Variants in WDPCP observed in about 807,000 individuals in gnomAD.
WDPCP encodes WD repeat containing planar cell polarity effector.
In WDPCP, 71 loss-of-function variants were observed where a neutral mutation model predicts 93.1. That is an observed-to-expected ratio of 0.76 (90% CI 0.63 to 0.93). WDPCP has a LOEUF of 0.93. Among genes scored for constraint, WDPCP ranks in the 40% least tolerant of loss-of-function variants. WDPCP has a pLI of 0.00. For missense variants in WDPCP, 844 were observed against 887.4 expected (o/e 0.95, Z 0.62); for synonymous variants, 315 against 315.0 (o/e 1.00, Z 0.00).
At chr2:63,191,861 G>C (rs1167508155) in intron 14 of WDPCP, among the ~76,000 whole-genome samples, 3 of 152,138 alleles carry the variant, frequency 2.0e-5, no homozygotes, top group African/African-American at 7.2e-5. Flanking sequence ...TCAAATTTCA[G>C]TGTCCAAATA....
intron 14 of WDPCP, among the ~76,000 whole-genome samples, chr2:63,212,197 A>C (rs1187115859): frequency 6.6e-6 from 1 of 152,216 alleles, no homozygotes; most frequent in Non-Finnish European, 1.5e-5. Flanking sequence ...GAAGGAAAAA[A>C]TGTTAAGGGC....
At chr2:63,717,410 C>G in intron 2 of WDPCP, 1 of 401,514 alleles carries the variant, frequency 2.5e-6, no homozygotes. Context: ...TTTTTAAGGT[C>G]ATGGTATCCC....
At chr2:63,337,178 C>T (rs1194983953) in intron 12 of WDPCP, among the ~76,000 whole-genome samples, 5 of 152,286 alleles carry the variant, frequency 3.3e-5, no homozygotes, top group South Asian at 4.1e-4. Flanking sequence ...AGGCGTGAGC[C>T]ACTGCGCACG....
intron 17 of WDPCP, among the ~76,000 whole-genome samples, chr2:63,145,752 T>C (rs1280362093): frequency 1.3e-5 from 2 of 152,132 alleles, no homozygotes; most frequent in Non-Finnish European, 2.9e-5. Context: ...AGAATCTCAG[T>C]GGTAGTTTAA....
intron 1 of WDPCP, among the ~76,000 whole-genome samples, chr2:63,511,023 C>A (rs1702199607): frequency 6.6e-6 from 1 of 152,074 alleles, no homozygotes. Context: ...CCCAAAATCT[C>A]CTTAAGCTGA....
At chr2:63,262,085 T>C (rs137871489) in intron 13 of WDPCP, among the ~76,000 whole-genome samples, 2 of 152,290 alleles carry the variant, frequency 1.3e-5, no homozygotes, top group African/African-American at 4.8e-5. Flanking sequence ...TTTGCTAATA[T>C]TTAAGATTTT....
chr2:63,170,493 G>A (rs1462545506), intron 15 of WDPCP, among the ~76,000 whole-genome samples: 2 of 151,852 alleles, frequency 1.3e-5, no homozygotes, highest in Non-Finnish European at 2.9e-5. Flanking sequence ...GGCTGGTCTT[G>A]AACTCCTGAC....
At position 63,309,255 on chromosome 2, in the gene WDPCP, A is replaced by T. The variant is rs552934473; in HGVS notation, c.1812+3993T>A. On this transcript the variant is annotated intron_variant, in intron 13 of 17. Transcript: ENST00000272321. ...TCCATGTACTTCTGAATGTAAAACT[A>T]AAAAAAGTTAAAAGATGGCATATAC... Among the ~76,000 whole-genome samples the T allele has an allele frequency of 7.9e-5, 12 of 152,332 alleles. 1 individual carries two copies. In the South Asian group the frequency reaches 1.4e-3, roughly 18 times the overall value.
chr2:63,796,461 C>A lies in WDPCP; in HGVS notation n.308+17161G>T, dbSNP rs571770615. ...CTTCATATCATTGAAAGGGGCACTGCAGAGTGTAAGACAGTCTTGAATTGC... is the reference window on the plus strand; with the variant it reads ...CTTCATATCATTGAAAGGGGCACTGAAGAGTGTAAGACAGTCTTGAATTGC... On this transcript the variant is annotated intron_variant and non_coding_transcript_variant, in intron 2 of 4. Coordinates refer to the WDPCP transcript ENST00000467687. Among the ~76,000 whole-genome samples, 97 of 152,362 alleles carry A rather than the reference C, an allele frequency of 6.4e-4. 1 individual carries two copies. The highest frequency in any genetic ancestry group is 2.3e-3 in the African/African-American group (94 of 41,586).
chr2:63,796,708 G>A (rs781319963), intron 2 of WDPCP, among the ~76,000 whole-genome samples: 3 of 152,220 alleles, frequency 2.0e-5, no homozygotes, highest in Non-Finnish European at 2.9e-5. Flanking sequence ...AATTAACCGA[G>A]TTCTTACTAC....
At chr2:63,159,030 C>T (rs1318386457) in intron 15 of WDPCP, among the ~76,000 whole-genome samples, 4 of 150,734 alleles carry the variant, frequency 2.7e-5, no homozygotes, top group Non-Finnish European at 5.9e-5. Context: ...GCGGCATGCC[C>T]CTGTAGTCCC....
chr2:63,820,165 C>T (rs1357514719), intron 1 of WDPCP, among the ~76,000 whole-genome samples: 1 of 152,100 alleles, frequency 6.6e-6, no homozygotes, highest in Non-Finnish European at 1.5e-5. Context: ...TGGATGTTTG[C>T]AAAGATGGTT....
chr2:63,714,553 C>T (rs1669307629), intron 2 of WDPCP, among the ~76,000 whole-genome samples: 1 of 152,038 alleles, frequency 6.6e-6, no homozygotes, highest in Admixed American at 6.6e-5. Flanking sequence ...GTCATAAGAA[C>T]TGAAAACAGT....
At chr2:63,243,151 T>C (rs1679993163) in intron 14 of WDPCP, among the ~76,000 whole-genome samples, 1 of 152,174 alleles carries the variant, frequency 6.6e-6, no homozygotes. Context: ...ATGCTAGAAA[T>C]GACACAATAT....
chr2:63,661,783 G>T (rs910214690), intron 2 of WDPCP, among the ~76,000 whole-genome samples: 2 of 152,184 alleles, frequency 1.3e-5, no homozygotes, highest in Non-Finnish European at 2.9e-5. Context: ...ATTGCAGACA[G>T]TGGGTGCTGT....
intron 12 of WDPCP, among the ~76,000 whole-genome samples, chr2:63,365,489 A>G (rs575064723): frequency 7.9e-5 from 12 of 152,204 alleles, no homozygotes; most frequent in Non-Finnish European, 1.2e-4. Context: ...TGAGAACTAC[A>G]AAAAAAATTA....
In WDPCP at chr2:63,439,794, G is replaced by A; in HGVS notation, c.462C>T (p.Ser154=). 1.2e-6 allele frequency: 2 copies of A among 1,613,208 alleles called. No homozygotes were observed. The highest frequency in any genetic ancestry group is 1.7e-6 in the Non-Finnish European group (2 of 1,179,386). ...TGTCTGAGATGAGCTTCCCCACCAGGCTTCTGTCAATCACCACTTTCTCCA... is the reference window on the plus strand; with the variant it reads ...TGTCTGAGATGAGCTTCCCCACCAGACTTCTGTCAATCACCACTTTCTCCA... ...PQLEKVVIDR[S]LVGKLISDTI... Residue 154 remains serine (S), a synonymous_variant, in exon 7 of 18, where the codon AGC becomes AGT. Transcript: ENST00000272321.
chr2:63,340,269 G>A lies in WDPCP; in HGVS notation c.1749-26958C>T, dbSNP rs182277307. On this transcript the variant is annotated intron_variant, in intron 12 of 17. Transcript: ENST00000272321. Reference sequence around the variant, plus strand: ...ATCAGAGTTCTGCCTGTCCCAAATGGTGCGGTCCTAAAGGGATTATCCCAG... The same window carrying A: ...ATCAGAGTTCTGCCTGTCCCAAATGATGCGGTCCTAAAGGGATTATCCCAG... Among the ~76,000 whole-genome samples, 272 of 152,216 alleles carry A rather than the reference G, an allele frequency of 1.8e-3. 1 individual carries two copies. Among genetic ancestry groups the A allele is most frequent in the African/African-American group, 6.3e-3 (261 of 41,540 alleles).
At chr2:63,753,458 C>T (rs1209605998) in intron 2 of WDPCP, among the ~76,000 whole-genome samples, 3 of 152,008 alleles carry the variant, frequency 2.0e-5, no homozygotes, top group African/African-American at 4.8e-5. Context: ...AAATGAAATA[C>T]CTGAGACTAG....
Sources: gnomAD v4.1 joint callset for allele counts (sites outside exome capture counted in the v4.1 genomes callset) on GRCh38, gnomAD v4.1.1 for gene constraint, MANE v1.5 for transcripts, NCBI Gene and HGNC (gene_info 2026-07-23, HGNC 2026-07-21) for gene names.